The following CDC34 variants were observed in gnomAD, a reference collection of about 807,000 sequenced individuals.
CDC34 encodes cell division cycle 34, ubiquitin conjugating enzyme.
CDC34 carries 18 observed loss-of-function variants against 26.8 expected under a neutral mutation model. That is an observed-to-expected ratio of 0.67 (90% CI 0.47 to 1.00). The LOEUF (loss-of-function observed/expected upper bound fraction) is 1.00. Among genes scored for constraint, CDC34 ranks in the 50% least tolerant of loss-of-function variants. The pLI is 0.00. For missense variants in CDC34, 280 were observed against 334.5 expected (o/e 0.84, Z 1.27); for synonymous variants, 178 against 147.5 (o/e 1.21, Z -1.50).
At chr19:534,461 A>T (rs12984199) in intron 1 of CDC34, among the ~76,000 whole-genome samples, 14,950 of 50,492 alleles carry the variant, frequency 0.3, 484 homozygotes, top group Non-Finnish European at 0.34. Context: ...AGACCCCCTG[A>T]GTGCCCTCCC....
In CDC34 at chr19:541,681, C is replaced by A; in HGVS notation, c.*129C>A. The A allele has an allele frequency of 5.5e-6, 6 of 1,097,536 alleles. No homozygotes were observed. Among genetic ancestry groups the A allele is most frequent in the Non-Finnish European group, 7.6e-6 (6 of 793,788 alleles). The allele number at this position is 1,097,536 out of a possible 1,614,324, so 68.0% of individuals were successfully genotyped here. On this transcript the variant is annotated 3_prime_UTR_variant, in exon 5 of 5. Transcript: ENST00000215574. ...TCTGGTTGTTTCGTTTTGGCTTTTT[C>A]TCCCTCCCCATGTCTGTTCTGGGTT... is the stretch of plus-strand genomic sequence containing the variant.
chr19:535,206 C>T (rs577678329), intron 1 of CDC34, among the ~76,000 whole-genome samples: 6 of 152,322 alleles, frequency 3.9e-5, no homozygotes, highest in East Asian at 1.9e-4. Context: ...CCACAGGGGG[C>T]GATGCTGACA....
Position 536,038 on chromosome 19 carries a change from C to CT in CDC34, c.264+116dup, listed in dbSNP as rs5826698. 413 of 921,210 alleles carry CT rather than the reference C, an allele frequency of 4.5e-4. 4 individuals carry two copies. The African/African-American group carries it at 7.4e-3, about 16-fold the overall frequency. 57.1% of individuals were successfully genotyped at this position (921,210 alleles called of 1,614,324 possible). On this transcript the variant is annotated intron_variant, in intron 2 of 4. Transcript: ENST00000215574. ...GCGCTGGGAGCCTCACGTCCTCGTC[C>CT]TCCGGGACCCGGGGCGCTGGGAGCC...
intron 4 of CDC34, among the ~76,000 whole-genome samples, chr19:537,651 CTT>C (rs773623358): frequency 0.079 from 5,303 of 66,944 alleles, 394 homozygotes; most frequent in African/African-American, 0.25. Flanking sequence ...CGCGGCCGGC[CTT>C]TTTTTTTTTT....
chr19:532,485 C>T (rs998561619), intron 1 of CDC34, among the ~76,000 whole-genome samples: 7 of 152,232 alleles, frequency 4.6e-5, no homozygotes, highest in South Asian at 2.1e-4. Context: ...CCCCCTCCGC[C>T]CCTGCGAGAA....
rs1302445907 is a variant in CDC34, at chr19:541,856, A to G, written c.*304A>G. The G allele has an allele frequency of 2.7e-5, 6 of 222,990 alleles. No homozygotes were observed. In the South Asian group the frequency reaches 8.5e-4, roughly 32 times the overall value. The allele number at this position is 222,990 out of a possible 1,614,324, so 13.8% of individuals were successfully genotyped here. On this transcript the variant is annotated 3_prime_UTR_variant, in exon 5 of 5. Coordinates refer to ENST00000215574, the MANE Select transcript of CDC34 (RefSeq NM_004359.2). ...TCTACCGGGGTCCCCCAGCTTCCGG[A>G]CTGGCCGCACCCCGGAGGAGCCACG...
intron 4 of CDC34, among the ~76,000 whole-genome samples, chr19:537,875 T>C (rs1568331190): frequency 6.6e-6 from 1 of 151,664 alleles, no homozygotes; most frequent in Non-Finnish European, 1.5e-5. Context: ...CAGGCTGGTC[T>C]CAAACTCCTG....
intron 1 of CDC34, among the ~76,000 whole-genome samples, chr19:532,969 T>C (rs1392285243): frequency 2.0e-5 from 3 of 152,316 alleles, no homozygotes; most frequent in African/African-American, 4.8e-5. Context: ...AACCCCGAGT[T>C]CTGGGCCGTT....
rs1228194089 is a variant in CDC34 at position 531,911 on chromosome 19, C to G, written c.-21C>G. 1 of 1,397,516 alleles carries G rather than the reference C, an allele frequency of 7.2e-7. No individual in the cohort carries two copies. The highest frequency in any genetic ancestry group is 9.3e-7 in the Non-Finnish European group (1 of 1,080,782). The allele number at this position is 1,397,516 out of a possible 1,614,324, so 86.6% of individuals were successfully genotyped here. On this transcript the variant is annotated 5_prime_UTR_variant, in exon 1 of 5. Coordinates refer to ENST00000215574, the MANE Select transcript of CDC34 (RefSeq NM_004359.2). ...CGCGCGGCCCCGCGCTGCTCCGACC[C>G]CGGGCCCCTCCGCCGCCGCCATGGC... is the stretch of plus-strand genomic sequence containing the variant.
intron 4 of CDC34, among the ~76,000 whole-genome samples, chr19:540,780 A>G (rs1313710): frequency 0.22 from 2,722 of 12,508 alleles, 503 homozygotes; most frequent in East Asian, 0.38. Flanking sequence ...TTTAGAATCC[A>G]GAGGCTGGGA....
rs749435711 is a variant in CDC34 at position 537,057 on chromosome 19, CCTT to C, written c.410_412del (p.Phe137del). 2 of 1,613,822 alleles carry C rather than the reference CCTT, an allele frequency of 1.2e-6. No homozygotes were observed. Among genetic ancestry groups the C allele is most frequent in the East Asian group, 2.2e-5 (1 of 44,894 alleles). ...ATCTCCCTCCTGAACGAGCCCAACA[CCTT>C]CTCGCCCGCAAACGTGGACGCCTCC... On this transcript the variant is annotated inframe_deletion, in exon 4 of 5. Transcript: ENST00000215574.
At chr19:536,046 CCCG>C (rs1979725793) in intron 2 of CDC34, 123 bp downstream of exon 2, 1 of 884,108 alleles carries the variant, frequency 1.1e-6, no homozygotes, top group Non-Finnish European at 1.7e-6. Context: ...TCCTCCGGGA[CCCG>C]GGGCGCTGGG....
At position 531,985 on chromosome 19, in the gene CDC34, G is replaced by A. The variant is rs771256806; in HGVS notation, c.54G>A (p.Lys18=). ...AGAAGGCGCTGCTGCTGGAGCTCAAGGGGCTGCAGGAAGAGCCGGTCGAGG... is the reference window on the plus strand; with the variant it reads ...AGAAGGCGCTGCTGCTGGAGCTCAAAGGGCTGCAGGAAGAGCCGGTCGAGG... The part of the protein sequence containing the change: ...SSQKALLLEL[K]GLQEEPVEGF... The change falls in exon 1 of 5, where the codon AAG becomes AAA. Residue 18 remains lysine, a synonymous_variant. Coordinates refer to ENST00000215574, the MANE Select transcript of CDC34 (RefSeq NM_004359.2). The A allele has an allele frequency of 2.7e-6, 4 of 1,489,638 alleles. No homozygotes were observed. The highest frequency in any genetic ancestry group is 1.5e-5 in the African/African-American group (1 of 67,350). 92.3% of individuals were successfully genotyped at this position (1,489,638 alleles called of 1,614,324 possible). A position where few individuals can be genotyped will look rare whatever the true frequency, so the allele number is the denominator to read the frequency against.
intron 3 of CDC34, chr19:536,661 C>T: frequency 3.7e-6 from 2 of 538,140 alleles, no homozygotes; most frequent in Non-Finnish European, 6.7e-6. Flanking sequence ...GGTTGGTCAC[C>T]TCGTGCCACG....
rs558211066 is a variant in CDC34, at chr19:541,331, C to T, written c.498-8C>T. 157 of 1,550,794 alleles carry T rather than the reference C, an allele frequency of 1.0e-4. No homozygotes were observed. Among genetic ancestry groups the T allele is most frequent in the Admixed American group, 1.7e-4 (9 of 51,898 alleles). On this transcript the variant is annotated splice_region_variant and splice_polypyrimidine_tract_variant and intron_variant, in intron 4 of 4. Transcript: ENST00000215574. ...TGGGTGGCGCCCTCACCCACCCTGT[C>T]CCCCCAGGAAGCAGGTCCTGGGGAC...
chr19:538,263 C>T (rs1350957966), intron 4 of CDC34, among the ~76,000 whole-genome samples: 4 of 152,262 alleles, frequency 2.6e-5, no homozygotes, highest in Non-Finnish European at 4.4e-5. Flanking sequence ...GCCTGGTGAG[C>T]TCTGGGTACA....
At chr19:538,773 C>T (rs1459872917) in intron 4 of CDC34, 20 of 985,234 alleles carry the variant, frequency 2.0e-5, no homozygotes, top group Non-Finnish European at 2.0e-5. Flanking sequence ...TGGGCGGTCT[C>T]GGCTCTGAGC....
At chr19:532,640 G>A (rs1316025792) in intron 1 of CDC34, among the ~76,000 whole-genome samples, 4 of 152,266 alleles carry the variant, frequency 2.6e-5, no homozygotes. Flanking sequence ...CAGCCTGGGG[G>A]TGGCTGGCGC....
chr19:533,187 C>T (rs1342846271), intron 1 of CDC34, among the ~76,000 whole-genome samples: 1 of 152,094 alleles, frequency 6.6e-6, no homozygotes, highest in Non-Finnish European at 1.5e-5. Flanking sequence ...AGCGAGGGGC[C>T]CTGTGTGAGC....
Sources: gnomAD v4.1 joint callset for allele counts (sites outside exome capture counted in the v4.1 genomes callset) on GRCh38, gnomAD v4.1.1 for gene constraint, MANE v1.5 for transcripts, NCBI Gene and HGNC (gene_info 2026-07-23, HGNC 2026-07-21) for gene names.